The following UROC1 variants were observed in gnomAD, a reference collection of about 807,000 sequenced individuals.
UROC1 encodes the protein urocanate hydratase 1.
Under a neutral mutation model 89.5 loss-of-function variants are expected in UROC1, and 79 were observed. The observed-to-expected ratio is 0.88, with a 90% confidence interval of 0.74 to 1.06. The LOEUF (loss-of-function observed/expected upper bound fraction) is 1.06, where lower values mean the gene tolerates loss of function less well. Among genes scored for constraint, UROC1 ranks in the 50% least tolerant of loss-of-function variants. UROC1 has a pLI of 0.00. For missense variants in UROC1, 885 were observed against 907.8 expected (o/e 0.97, Z 0.32); for synonymous variants, 361 against 354.8 (o/e 1.02, Z -0.20).
chr3:126,511,274 A>C (rs192841658), intron 1 of UROC1, among the ~76,000 whole-genome samples: 77 of 152,312 alleles, frequency 5.1e-4, no homozygotes, highest in Non-Finnish European at 9.0e-4. Context: ...GAGCCATAGG[A>C]AGCAATTCCT....
intron 10 of UROC1, 59 bp downstream of exon 10, chr3:126,501,159 T>A: frequency 6.4e-7 from 1 of 1,565,304 alleles, no homozygotes; most frequent in South Asian, 1.1e-5. Flanking sequence ...TTGAGGTCTT[T>A]GCTCAGGGGG....
At chr3:126,502,787 A>G (rs985741522) in intron 9 of UROC1, among the ~76,000 whole-genome samples, 17 of 149,264 alleles carry the variant, frequency 1.1e-4, no homozygotes, top group Non-Finnish European at 4.5e-5. Context: ...GTATGTGTGC[A>G]TGTGTGTGCT....
chr3:126,501,880 A>C (rs1487410179), intron 9 of UROC1: 3 of 1,599,420 alleles, frequency 1.9e-6, no homozygotes. Context: ...GCAGGAAAGG[A>C]CACACAGTCC....
rs187277229 is a variant in UROC1, at chr3:126,506,848, T to C, written c.603-837A>G. 3.5e-3 allele frequency among the ~76,000 whole-genome samples: 537 copies of C among 152,124 alleles called. 5 individuals carry two copies. The highest frequency in any genetic ancestry group is 0.011 in the African/African-American group (450 of 41,504). Reference sequence around the variant, plus strand: ...ATCCCAACACTTTGGAAGGCAGAGGTGGGCGGATCAACTGAGGTCAGCGGT... The same window carrying C: ...ATCCCAACACTTTGGAAGGCAGAGGCGGGCGGATCAACTGAGGTCAGCGGT... On this transcript the variant is annotated intron_variant, in intron 6 of 19. Coordinates refer to ENST00000290868, the MANE Select transcript of UROC1 (RefSeq NM_144639.3).
intron 9 of UROC1, chr3:126,501,973 A>G: frequency 6.4e-7 from 1 of 1,559,208 alleles, no homozygotes; most frequent in Non-Finnish European, 8.7e-7. Context: ...AGCAGAGCTC[A>G]CTCCATTCCC....
At position 126,483,392 on chromosome 3, in the gene UROC1, GCATCAGCCTGGCTCTCC is replaced by G; in HGVS notation, c.1850_1866del (p.Gly617AlafsTer22). The G allele has an allele frequency of 6.2e-7, 1 of 1,613,500 alleles. No individual in the cohort carries two copies. The highest frequency in any genetic ancestry group is 1.1e-5 in the South Asian group (1 of 91,092). On this transcript the variant is annotated frameshift_variant, in exon 19 of 20. Transcript: ENST00000290868. LOFTEE classifies it high-confidence loss of function. Reference sequence around the variant, plus strand: ...ACACCATTGGAGACATCCCAGCTGAGCATCAGCCTGGCTCTCCCCTCGGCCTCCGGGGTACCGTCCAG... The same window carrying G: ...ACACCATTGGAGACATCCCAGCTGAGCCTCGGCCTCCGGGGTACCGTCCAG...
intron 16 of UROC1, among the ~76,000 whole-genome samples, chr3:126,490,553 T>A (rs1376033576): frequency 6.6e-6 from 1 of 151,954 alleles, no homozygotes; most frequent in African/African-American, 2.4e-5. Flanking sequence ...GGTGTTGTGG[T>A]GCACGCCTGT....
intron 1 of UROC1, among the ~76,000 whole-genome samples, chr3:126,513,381 G>A (rs775414998): frequency 1.3e-4 from 20 of 152,226 alleles, no homozygotes; most frequent in Admixed American, 1.3e-4. Flanking sequence ...GCTCTAGGCC[G>A]AGGATACGTT....
chr3:126,506,807 G>A (rs1936069779), intron 6 of UROC1, among the ~76,000 whole-genome samples: 1 of 152,330 alleles, frequency 6.6e-6, no homozygotes, highest in African/African-American at 2.4e-5. Flanking sequence ...GCCGGCCACC[G>A]TGGCTCATGC....
At chr3:126,500,588 G>A (rs1478707221) in intron 11 of UROC1, 107 bp downstream of exon 11, 24 of 1,416,924 alleles carry the variant, frequency 1.7e-5, no homozygotes, top group Non-Finnish European at 2.3e-5. Flanking sequence ...TTAAGGTCTT[G>A]CCCAAGGCCA....
chr3:126,496,124 CAGCAGGCGTCAG>C lies in UROC1; in HGVS notation c.1439-28_1439-17del. On this transcript the variant is annotated splice_polypyrimidine_tract_variant and intron_variant, in intron 14 of 19. Transcript: ENST00000290868. ...GACACCTTCACTGCAGGAGAGAGGA[CAGCAGGCGTCAG>C]AGACCCTCCAGGGGCACAGACCTGC... is the stretch of plus-strand genomic sequence containing the variant. 6.2e-7 allele frequency: 1 copy of C among 1,610,558 alleles called. No homozygotes were observed.
chr3:126,488,194 T>C lies in UROC1; in HGVS notation c.1790+4A>G, dbSNP rs201000991. 1.9e-6 allele frequency: 3 copies of C among 1,614,190 alleles called. No homozygotes were observed. ...CCACACCCTGTCCTCTGAAACCTTC[T>C]TACCAGCCCACGCCCCCTCCGTTGT... On this transcript the variant is annotated splice_donor_region_variant and intron_variant, in intron 18 of 19. Transcript: ENST00000290868.
chr3:126,517,024 C>A (rs1936343838), intron 1 of UROC1, among the ~76,000 whole-genome samples: 1 of 152,018 alleles, frequency 6.6e-6, no homozygotes. Flanking sequence ...ATTTTCATCT[C>A]AAGCTGACAA....
intron 1 of UROC1, among the ~76,000 whole-genome samples, chr3:126,512,504 C>T (rs1413851902): frequency 6.6e-6 from 1 of 152,186 alleles, no homozygotes; most frequent in Admixed American, 6.5e-5. Context: ...GTAGGAGGAT[C>T]ACTTGAGGCC....
At chr3:126,483,589 G>C (rs904404274) in intron 18 of UROC1, 121 bp from the exon 19 acceptor site, 1 of 885,826 alleles carries the variant, frequency 1.1e-6, no homozygotes, top group Non-Finnish European at 1.8e-6. Context: ...CCGCCACACC[G>C]CCAGCCTCTG....
chr3:126,513,699 C>T (rs1417286091), intron 1 of UROC1, among the ~76,000 whole-genome samples: 3 of 152,238 alleles, frequency 2.0e-5, no homozygotes, highest in Non-Finnish European at 2.9e-5. Context: ...ATCTCCCACA[C>T]TCGTGGGCCT....
At chr3:126,489,165 G>A in intron 17 of UROC1, 111 bp downstream of exon 17, 1 of 1,065,190 alleles carries the variant, frequency 9.4e-7, no homozygotes, top group Non-Finnish European at 1.4e-6. Flanking sequence ...TCTATGCCGA[G>A]CCTCTCAGGT....
At chr3:126,514,823 T>C (rs923156539) in intron 1 of UROC1, among the ~76,000 whole-genome samples, 4 of 151,958 alleles carry the variant, frequency 2.6e-5, no homozygotes, top group African/African-American at 4.8e-5. Flanking sequence ...CTGGTGTCAT[T>C]GTTTTCATCT....
At chr3:126,496,132 G>A (rs544383864) in intron 14 of UROC1, 24 bp from the exon 15 acceptor site, 121 of 1,608,868 alleles carry the variant, frequency 7.5e-5, no homozygotes, top group South Asian at 6.4e-4. Context: ...GACAGCAGGC[G>A]TCAGAGACCC....
Sources: gnomAD v4.1 joint callset for allele counts (sites outside exome capture counted in the v4.1 genomes callset) on GRCh38, gnomAD v4.1.1 for gene constraint, MANE v1.5 for transcripts, NCBI Gene and HGNC (gene_info 2026-07-23, HGNC 2026-07-21) for gene names.